SRGAP2: variants seen among roughly 807,000 people sequenced by gnomAD.
The protein encoded by SRGAP2 is SLIT-ROBO Rho GTPase-activating protein 2.
SRGAP2 carries 15 observed loss-of-function variants against 57.2 expected under a neutral mutation model. The ratio of observed to expected loss-of-function variants is 0.26; its 90% CI spans 0.18 to 0.40. The LOEUF (loss-of-function observed/expected upper bound fraction) is 0.40, where lower values mean the gene tolerates loss of function less well. Ranked by LOEUF, SRGAP2 falls within the 10% of genes least tolerant of loss-of-function variation. The pLI is 1.00. For missense variants in SRGAP2, 520 were observed against 669.6 expected (o/e 0.78, Z 2.47); for synonymous variants, 249 against 248.0 (o/e 1.00, Z -0.04).
intron 3 of SRGAP2, among the ~76,000 whole-genome samples, chr1:206,310,077 T>C (rs553495218): frequency 6.6e-6 from 1 of 151,778 alleles, no homozygotes; most frequent in African/African-American, 2.4e-5. Context: ...CTCTCTCATG[T>C]ATAAGGTATT....
intron 2 of SRGAP2, among the ~76,000 whole-genome samples, chr1:206,248,346 T>A (rs1668627740): frequency 6.6e-6 from 1 of 152,198 alleles, no homozygotes; most frequent in South Asian, 2.1e-4. Flanking sequence ...CTCAGGGAAA[T>A]AACCAAGTTG....
In SRGAP2 at chr1:206,454,737, C is replaced by G. The variant is rs1198955094; in HGVS notation, c.2361-141C>G. ...GGTTTCCTTGCCTCTGCTCACAGAA[C>G]TAGTCCAGCCAGGTGTCGCTGCTGC... On this transcript the variant is annotated intron_variant, in intron 20 of 22. Coordinates refer to ENST00000573034, the MANE Select transcript of SRGAP2 (RefSeq NM_015326.5). This position sits in a 1 kb window ranked among gnomAD's most constrained non-coding sequence, Gnocchi z 4.3. 5.0e-6 allele frequency: 3 copies of G among 603,552 alleles called. No individual in the cohort carries two copies. The highest frequency in any genetic ancestry group is 8.9e-6 in the Non-Finnish European group (3 of 338,766). 37.4% of individuals were successfully genotyped at this position (603,552 alleles called of 1,614,324 possible). A position where few individuals can be genotyped will look rare whatever the true frequency, so the allele number is the denominator to read the frequency against.
intron 4 of SRGAP2, among the ~76,000 whole-genome samples, chr1:206,370,779 CAA>C (rs1367497940): frequency 3.9e-5 from 6 of 152,146 alleles, no homozygotes; most frequent in Admixed American, 1.3e-4. Flanking sequence ...AAAAATCAAA[CAA>C]ATTTTAGTAC....
chr1:206,442,340 A>C (rs1370067931), intron 17 of SRGAP2, among the ~76,000 whole-genome samples: 2 of 152,234 alleles, frequency 1.3e-5, no homozygotes, highest in African/African-American at 4.8e-5. Flanking sequence ...TGCAGCCTGG[A>C]AACTCTGCTA....
chr1:206,227,047 G>A (rs1234814053), intron 2 of SRGAP2, among the ~76,000 whole-genome samples: 72 of 152,170 alleles, frequency 4.7e-4, no homozygotes, highest in African/African-American at 1.7e-3. Flanking sequence ...AGTCTGCCAA[G>A]TTGAGCACAT....
intron 3 of SRGAP2, among the ~76,000 whole-genome samples, chr1:206,341,940 G>A (rs1571905272): frequency 6.6e-6 from 1 of 152,154 alleles, no homozygotes; most frequent in African/African-American, 2.4e-5. Flanking sequence ...GGAGGTTGCA[G>A]TGAGCCAAGA....
At chr1:206,332,646 G>T (rs2102880025) in intron 3 of SRGAP2, among the ~76,000 whole-genome samples, 1 of 143,518 alleles carries the variant, frequency 7.0e-6, no homozygotes, top group East Asian at 2.0e-4. Flanking sequence ...TCGAGCCTTG[G>T]TTTTCAGCTC....
Position 206,461,580 on chromosome 1 carries a change from C to T in SRGAP2, c.*160C>T. On this transcript the variant is annotated 3_prime_UTR_variant, in exon 23 of 23. Transcript: ENST00000573034. ...GTCTCCCAAAACCTTGAGAATGAAG[C>T]CCTTGGTATCGCCTCTCCCTTCCCA... The T allele has an allele frequency of 3.2e-6, 2 of 630,296 alleles. No homozygotes were observed. Among genetic ancestry groups the T allele is most frequent in the Non-Finnish European group, 2.9e-6 (1 of 350,006 alleles). 39.0% of individuals were successfully genotyped at this position (630,296 alleles called of 1,614,324 possible).
At chr1:206,251,743 C>T (rs1300605105) in intron 2 of SRGAP2, among the ~76,000 whole-genome samples, 1 of 82,886 alleles carries the variant, frequency 1.2e-5, no homozygotes, top group Middle Eastern at 5.5e-3. Flanking sequence ...CTTGCTCTGT[C>T]GCCCAATCTG....
At position 206,428,122 on chromosome 1, in the gene SRGAP2, A is replaced by G. The variant is rs374047745; in HGVS notation, c.1495-2040A>G. ...GTCTCTAAAAACAATAAATTAATTT[A>G]AAATATAAAATAGGCCGGGCGTGGT... On this transcript the variant is annotated intron_variant, in intron 13 of 22. Coordinates refer to ENST00000573034, the MANE Select transcript of SRGAP2 (RefSeq NM_015326.5). Among the ~76,000 whole-genome samples, 831 of 152,226 alleles carry G rather than the reference A, an allele frequency of 5.5e-3. 1 individual carries two copies. Among genetic ancestry groups the G allele is most frequent in the Non-Finnish European group, 8.7e-3 (591 of 68,014 alleles).
intron 2 of SRGAP2, among the ~76,000 whole-genome samples, chr1:206,257,736 A>G (rs1441807745): frequency 1.7e-5 from 2 of 117,896 alleles, no homozygotes; most frequent in African/African-American, 6.1e-5. Context: ...AAAGCAGACT[A>G]TATATATACA....
At chr1:206,272,769 C>T (rs1670196235) in intron 2 of SRGAP2, among the ~76,000 whole-genome samples, 1 of 152,138 alleles carries the variant, frequency 6.6e-6, no homozygotes, top group South Asian at 2.1e-4. Context: ...CATCTTTCCC[C>T]AACCCCCTAG....
At chr1:206,253,573 C>CTTT (rs71264673) in intron 2 of SRGAP2, among the ~76,000 whole-genome samples, 59 of 101,668 alleles carry the variant, frequency 5.8e-4, no homozygotes, top group East Asian at 9.9e-4. Flanking sequence ...TTCTTTCTTT[C>CTTT]TTTTTTTTTT....
At chr1:206,227,379 A>G (rs1367721321) in intron 2 of SRGAP2, among the ~76,000 whole-genome samples, 1 of 152,220 alleles carries the variant, frequency 6.6e-6, no homozygotes, top group East Asian at 1.9e-4. Flanking sequence ...ATCATCTGCT[A>G]ATTTCACAGA....
intron 13 of SRGAP2, among the ~76,000 whole-genome samples, chr1:206,427,508 C>G (rs534361111): frequency 6.6e-6 from 1 of 152,316 alleles, no homozygotes; most frequent in South Asian, 2.1e-4. Context: ...TTGGCATCAT[C>G]CCTGGTTCCC....
chr1:206,211,070 CAG>C (rs1326829588), intron 2 of SRGAP2, among the ~76,000 whole-genome samples: 1 of 151,418 alleles, frequency 6.6e-6, no homozygotes, highest in Non-Finnish European at 1.5e-5. Flanking sequence ...TAGTTGGAAA[CAG>C]TGTTCATGAG....
At chr1:206,419,128 G>T (rs1558411615) in intron 11 of SRGAP2, among the ~76,000 whole-genome samples, 1 of 152,142 alleles carries the variant, frequency 6.6e-6, no homozygotes, top group Non-Finnish European at 1.5e-5. Flanking sequence ...GGTTTAGGGG[G>T]ACTGACCTGG....
At chr1:206,321,908 G>A (rs1432537775) in intron 3 of SRGAP2, among the ~76,000 whole-genome samples, 1 of 152,016 alleles carries the variant, frequency 6.6e-6, no homozygotes, top group Non-Finnish European at 1.5e-5. Flanking sequence ...AGAGAGCCTC[G>A]GTTGCTTTTA....
At chr1:206,325,165 AT>A (rs1673783000) in intron 3 of SRGAP2, among the ~76,000 whole-genome samples, 1 of 151,728 alleles carries the variant, frequency 6.6e-6, no homozygotes, top group Non-Finnish European at 1.5e-5. Context: ...ATCTCCCATA[AT>A]TTAAGACCAT....
Sources: allele counts gnomAD v4.1 joint callset (sites outside exome capture counted in the v4.1 genomes callset), GRCh38; gene constraint gnomAD v4.1.1; non-coding constraint Gnocchi (gnomAD v3.1); transcripts MANE v1.5; gene names NCBI Gene and HGNC (gene_info 2026-07-23, HGNC 2026-07-21).